TNS2: variants seen among roughly 807,000 people sequenced by gnomAD.
TNS2 encodes tensin-2.
A neutral mutation model predicts 155.7 loss-of-function variants in TNS2; 77 were observed. That is an observed-to-expected ratio of 0.49 (90% CI 0.41 to 0.60). The LOEUF (loss-of-function observed/expected upper bound fraction) is 0.60. Among genes scored for constraint, TNS2 ranks in the 20% least tolerant of loss-of-function variants. TNS2 has a pLI of 0.00. For synonymous variants in TNS2, 726 were observed against 763.9 expected, an observed-to-expected ratio of 0.95 and a Z score of 0.82; for missense variants, 1,703 against 1,868.8, an observed-to-expected ratio of 0.91 and a Z score of 1.64.
In TNS2 at chr12:53,063,507, C is replaced by T; in HGVS notation, c.4062-56C>T. The T allele has an allele frequency of 6.2e-7, 1 of 1,613,164 alleles. No individual in the cohort carries two copies. Among genetic ancestry groups the T allele is most frequent in the Admixed American group, 1.7e-5 (1 of 60,018 alleles). On this transcript the variant is annotated intron_variant, in intron 27 of 28. Transcript: ENST00000314250. The surrounding 1 kb of genome is among the most constrained non-coding windows in gnomAD (Gnocchi z 5.6). Reference sequence around the variant, plus strand: ...CCCAGCCCCAGCCCCGGCCCCGGCCCCCCTTCAGCAGCTGTCCCCTGGGGT... The same window carrying T: ...CCCAGCCCCAGCCCCGGCCCCGGCCTCCCTTCAGCAGCTGTCCCCTGGGGT...
At position 53,059,135 on chromosome 12, in the gene TNS2, TCCAGAGCCTCCA is replaced by T; in HGVS notation, c.1498_1509del (p.Glu500_Pro503del). On this transcript the variant is annotated inframe_deletion, in exon 18 of 29. Coordinates refer to ENST00000314250, the MANE Select transcript of TNS2 (RefSeq NM_170754.4). The surrounding 1 kb of genome is among the most constrained non-coding windows in gnomAD (Gnocchi z 4.7). Reference sequence around the variant, plus strand: ...CCCGGCAGACCCCCCCGGCACCCTCTCCAGAGCCTCCACCACCCCCCATGCTCTCTGTCAGCA... The same window carrying T: ...CCCGGCAGACCCCCCCGGCACCCTCTCCACCCCCCATGCTCTCTGTCAGCA... The T allele has an allele frequency of 6.3e-7, 1 of 1,588,332 alleles. No individual in the cohort carries two copies. Among genetic ancestry groups the T allele is most frequent in the Non-Finnish European group, 8.5e-7 (1 of 1,171,170 alleles).
upstream of TNS2, chr12:53,050,058 ACCAG>A (rs921251314): frequency 2.7e-6 from 4 of 1,506,030 alleles, no homozygotes; most frequent in African/African-American, 4.2e-5. This position sits in a 1 kb window ranked among gnomAD's most constrained non-coding sequence, Gnocchi z 4.7. Flanking sequence ...TTCTCCTCAC[ACCAG>A]CCAGACAGCC....
At position 53,062,679 on chromosome 12, in the gene TNS2, C is replaced by A; in HGVS notation, c.3805C>A (p.Leu1269Ile). 1 of 1,614,002 alleles carries A rather than the reference C, an allele frequency of 6.2e-7. No individual in the cohort carries two copies. The highest frequency in any genetic ancestry group is 1.1e-5 in the South Asian group (1 of 91,090). Residue 1269 changes from leucine (L) to isoleucine (I), a missense_variant, in exon 25 of 29, where the codon CTC (leucine) becomes ATC (isoleucine). Coordinates refer to ENST00000314250, the MANE Select transcript of TNS2 (RefSeq NM_170754.4). ...CACCAACATGAGCACAGCGGCAGAC[C>A]TCCTGCGTCAGGGTGCTGGTAGAGA... ...VPTNMSTAADLLRQGAACSVL... is the reference protein window; with the variant it reads ...VPTNMSTAADILRQGAACSVL...
rs770840507 is a variant in TNS2 at position 53,057,014 on chromosome 12, G to A, written c.763G>A (p.Ala255Thr). 12 of 1,613,160 alleles carry A rather than the reference G, an allele frequency of 7.4e-6. No individual in the cohort carries two copies. Among genetic ancestry groups the A allele is most frequent in the Non-Finnish European group, 7.6e-6 (9 of 1,179,742 alleles). ...CAACACTGGCCTTGCTATCCCCAGG[G>A]CGGACCAGGCACTGGCCACTCTTAC... ...YMHYSKISAG[A>T]DQALATLTMR... The change falls in exon 11 of 29, where the codon GCG (alanine) becomes ACG (threonine). Residue 255 changes from alanine to threonine, a missense_variant and splice_region_variant. Physicochemically the swap from Ala to Thr is moderately conservative, Grantham distance 58. Transcript: ENST00000314250.
upstream of TNS2, chr12:53,049,276 G>A (rs372551154): frequency 3.8e-5 from 61 of 1,584,588 alleles, no homozygotes; most frequent in East Asian, 5.3e-4. Context: ...GGGTTGCCGC[G>A]GGGGGAGGGT....
chr12:53,049,845 C>T (rs1225577749), upstream of TNS2: 4 of 383,706 alleles, frequency 1.0e-5, no homozygotes, highest in Non-Finnish European at 2.0e-5. Context: ...CTGCAGATCC[C>T]TGGAGAGTGT....
chr12:53,062,155 G>C lies in TNS2; in HGVS notation c.3577G>C (p.Asp1193His), dbSNP rs748990668. 1.9e-6 allele frequency: 3 copies of C among 1,613,956 alleles called. No individual in the cohort carries two copies. In the South Asian group the frequency reaches 3.3e-5, roughly 18 times the overall value. The change falls in exon 23 of 29, where the codon GAC becomes CAC. Residue 1193 changes from aspartate to histidine, a missense_variant and splice_region_variant. By Grantham distance (81) the Asp-to-His change is moderately conservative. Transcript: ENST00000314250. ...ATCTTCCCCTCGCCTCCTCTCAGGG[G>C]ACCCCGTGGAACAGCTGGTCCGCCA... Reference protein sequence around the residue: ...PPPSAQPWKGDPVEQLVRHFL... With the variant: ...PPPSAQPWKGHPVEQLVRHFL...
At position 53,053,298 on chromosome 12, in the gene TNS2, C is replaced by T. The variant is rs546089549; in HGVS notation, c.223-113C>T. Reference sequence around the variant, plus strand: ...AGCGCAACCTCAGCTGGAGCCTGTGCCCATCCACTGAAGGCCCCTCCACCT... The same window carrying T: ...AGCGCAACCTCAGCTGGAGCCTGTGTCCATCCACTGAAGGCCCCTCCACCT... On this transcript the variant is annotated intron_variant, in intron 3 of 28. Transcript: ENST00000314250. 4.1e-6 allele frequency: 5 copies of T among 1,210,248 alleles called. No individual in the cohort carries two copies. The Admixed American group carries it at 9.0e-5, about 22-fold the overall frequency. 75.0% of individuals were successfully genotyped at this position (1,210,248 alleles called of 1,614,324 possible).
intron 17 of TNS2, 50 bp from the exon 18 acceptor site, chr12:53,058,997 C>T: frequency 6.5e-7 from 1 of 1,538,314 alleles, no homozygotes; most frequent in Non-Finnish European, 8.7e-7. Context: ...TTTCTCTCTC[C>T]CTCCCTGTTC....
upstream of TNS2, chr12:53,049,976 C>T (rs1421464839): frequency 2.4e-6 from 3 of 1,232,928 alleles, no homozygotes; most frequent in Non-Finnish European, 3.3e-6. Context: ...CCCACATCCT[C>T]CCCCCTCCAC....
chr12:53,059,690 G>A lies in TNS2; in HGVS notation c.2049G>A (p.Gly683=), dbSNP rs1469934562. The A allele has an allele frequency of 6.2e-7, 1 of 1,613,214 alleles. No individual in the cohort carries two copies. Among genetic ancestry groups the A allele is most frequent in the Non-Finnish European group, 8.5e-7 (1 of 1,179,932 alleles). The change falls in exon 18 of 29, where the codon GGG becomes GGA. Residue 683 remains glycine, a synonymous_variant. Transcript: ENST00000314250. This position sits in a 1 kb window ranked among gnomAD's most constrained non-coding sequence, Gnocchi z 4.7. ...AGGTGGTCATCCTGGAGGACCCTGGGCTGCCTGCCCTATACCCATGCCCAG... is the reference window on the plus strand; with the variant it reads ...AGGTGGTCATCCTGGAGGACCCTGGACTGCCTGCCCTATACCCATGCCCAG... The part of the protein sequence containing the change: ...YREVVILEDP[G]LPALYPCPAC...
At chr12:53,056,627 C>T (rs1944169526) in intron 10 of TNS2, among the ~76,000 whole-genome samples, 4 of 152,152 alleles carry the variant, frequency 2.6e-5, no homozygotes, top group Non-Finnish European at 5.9e-5. Context: ...TTCCTCTCTT[C>T]TTATAAGGAC....
chr12:53,061,149 G>A lies in TNS2; in HGVS notation c.3243G>A (p.Gly1081=), dbSNP rs1565612146. The change falls in exon 20 of 29, where the codon GGG becomes GGA. Residue 1081 remains glycine, a synonymous_variant. Transcript: ENST00000314250. The part of the protein sequence containing the change: ...PPLPEKRHLP[G]PGQQPGPWGP... ...TTCCTGAGAAACGCCACCTGCCCGG[G>A]CCGGGGCAACAGCCAGGACCCTGGG... 1 of 1,608,898 alleles carries A rather than the reference G, an allele frequency of 6.2e-7. No individual in the cohort carries two copies. Among genetic ancestry groups the A allele is most frequent in the Non-Finnish European group, 8.5e-7 (1 of 1,177,412 alleles).
chr12:53,056,873 T>C (rs1009486455), intron 10 of TNS2, 140 bp from the exon 11 acceptor site: 4 of 747,218 alleles, frequency 5.4e-6, no homozygotes, highest in Non-Finnish European at 8.8e-6. Context: ...TACATGGTGC[T>C]TCTCATTCTC....
In TNS2 at chr12:53,055,568, G is replaced by C. The variant is rs759665766; in HGVS notation, c.574G>C (p.Val192Leu). The C allele has an allele frequency of 5.6e-6, 9 of 1,601,730 alleles. No homozygotes were observed. Among genetic ancestry groups the C allele is most frequent in the Non-Finnish European group, 7.7e-6 (9 of 1,171,228 alleles). The change falls in exon 9 of 29, where the codon GTT becomes CTT. Residue 192 changes from valine to leucine, a missense_variant and splice_region_variant. Val to Leu is a conservative substitution (Grantham distance 32). Transcript: ENST00000314250. ...RHDLTRLNPK[V>L]QDFGWPELHA... ...AGTTGCACCCCTGCATTCTCCCCAGGTTCAAGACTTCGGCTGGCCTGAGCT... is the reference window on the plus strand; with the variant it reads ...AGTTGCACCCCTGCATTCTCCCCAGCTTCAAGACTTCGGCTGGCCTGAGCT...
intron 10 of TNS2, 179 bp downstream of exon 10, chr12:53,056,024 A>C: frequency 1.5e-6 from 1 of 657,398 alleles, no homozygotes; most frequent in Middle Eastern, 4.3e-4. Flanking sequence ...GATGGTCTGT[A>C]GAGTTTCCTG....
chr12:53,062,017 G>T (rs1311116988), intron 22 of TNS2, 77 bp downstream of exon 22: 1 of 1,611,170 alleles, frequency 6.2e-7, no homozygotes, highest in Non-Finnish European at 8.5e-7. Flanking sequence ...AGGGCAGGTG[G>T]GGGTGCTGTG....
chr12:53,060,888 C>T lies in TNS2; in HGVS notation c.2982C>T (p.Gly994=). 1 of 1,589,134 alleles carries T rather than the reference C, an allele frequency of 6.3e-7. No individual in the cohort carries two copies. Among genetic ancestry groups the T allele is most frequent in the Middle Eastern group, 1.7e-4 (1 of 5,950 alleles). ...SDWPQERSPG[G]HSDGASPRSP... is the part of the protein sequence containing the mutation. ...GGCCTCAGGAAAGGAGTCCAGGGGG[C>T]CACTCAGATGGCGCCAGTCCTCGGA... is the stretch of plus-strand genomic sequence containing the variant. The change falls in exon 20 of 29, where the codon GGC becomes GGT. Residue 994 remains glycine, a synonymous_variant. Transcript: ENST00000314250. This position sits in a 1 kb window ranked among gnomAD's most constrained non-coding sequence, Gnocchi z 6.1.
At position 53,057,479 on chromosome 12, in the gene TNS2, C is replaced by T. The variant is rs369819258; in HGVS notation, c.846-88C>T. The T allele has an allele frequency of 2.7e-5, 27 of 993,938 alleles. 1 individual carries two copies. The highest frequency in any genetic ancestry group is 1.7e-4 in the South Asian group (11 of 65,438). 61.6% of individuals were successfully genotyped at this position (993,938 alleles called of 1,614,324 possible). A position where few individuals can be genotyped will look rare whatever the true frequency, so the allele number is the denominator to read the frequency against. Reference sequence around the variant, plus strand: ...GGGAAGGAAGTGTTGAGCAGAAGAGCGAGCCTTCTAAGGGTGGATGGTTGA... The same window carrying T: ...GGGAAGGAAGTGTTGAGCAGAAGAGTGAGCCTTCTAAGGGTGGATGGTTGA... On this transcript the variant is annotated intron_variant, in intron 11 of 28. Transcript: ENST00000314250.
Sources: gnomAD v4.1 joint callset for allele counts (sites outside exome capture counted in the v4.1 genomes callset) on GRCh38, gnomAD v4.1.1 for gene constraint, Gnocchi (gnomAD v3.1) non-coding constraint, MANE v1.5 for transcripts, NCBI Gene and HGNC (gene_info 2026-07-23, HGNC 2026-07-21) for gene names.